Variants in HBS1L observed in about 807,000 individuals in gnomAD.
HBS1L encodes HBS1-like protein.
HBS1L carries 55 observed loss-of-function variants against 88.9 expected under a neutral mutation model. The observed-to-expected ratio is 0.62, with a 90% CI of 0.50 to 0.77. The LOEUF is 0.77. Among genes scored for constraint, HBS1L ranks in the 30% least tolerant of loss-of-function variants. HBS1L has a pLI of 0.00. For synonymous variants in HBS1L, 267 were observed against 288.5 expected (o/e 0.93, Z 0.76); for missense variants, 741 against 829.3 (o/e 0.89, Z 1.31).
intron 4 of HBS1L, among the ~76,000 whole-genome samples, chr6:135,024,840 T>G (rs1255896575): frequency 6.6e-6 from 1 of 152,134 alleles, no homozygotes; most frequent in African/African-American, 2.4e-5. Context: ...GAAGTTCACA[T>G]TCCAAAACTA....
At chr6:134,989,009 T>C (rs541420130) in intron 8 of HBS1L, among the ~76,000 whole-genome samples, 1 of 152,284 alleles carries the variant, frequency 6.6e-6, no homozygotes, top group East Asian at 1.9e-4. Flanking sequence ...TAGAAAGACA[T>C]TCCTTTCAGA....
At chr6:135,038,011 G>A (rs1776613722) in intron 4 of HBS1L, 2 of 1,514,282 alleles carry the variant, frequency 1.3e-6, no homozygotes, top group Non-Finnish European at 1.8e-6. Context: ...AACTTCAGAA[G>A]AAGAAAATAA....
At chr6:135,009,862 C>T (rs1416231146) in intron 4 of HBS1L, among the ~76,000 whole-genome samples, 2 of 151,450 alleles carry the variant, frequency 1.3e-5, no homozygotes. Flanking sequence ...GATCTCCTGA[C>T]CTCGTGATCC....
chr6:134,979,417 C>G (rs547498522), intron 13 of HBS1L, 149 bp from the exon 14 acceptor site: 1 of 614,548 alleles, frequency 1.6e-6, no homozygotes, highest in African/African-American at 1.8e-5. Flanking sequence ...TAACTGTGAG[C>G]GTTGAGGAAA....
chr6:135,008,601 G>C (rs11967110), intron 4 of HBS1L, among the ~76,000 whole-genome samples: 2,107 of 152,296 alleles, frequency 0.014, 67 homozygotes, highest in African/African-American at 0.048. Flanking sequence ...TCTTGAACAT[G>C]AAATGATGTA....
chr6:135,016,884 T>C (rs1299935978), intron 4 of HBS1L, among the ~76,000 whole-genome samples: 1 of 149,326 alleles, frequency 6.7e-6, no homozygotes, highest in Non-Finnish European at 1.5e-5. Flanking sequence ...GAGGAACAGG[T>C]AGATTAAAAT....
intron 13 of HBS1L, among the ~76,000 whole-genome samples, chr6:134,981,118 A>T (rs76344333): frequency 6.6e-6 from 1 of 152,066 alleles, no homozygotes; most frequent in Non-Finnish European, 1.5e-5. Context: ...AGAGGTTACA[A>T]GGGAGCCAAC....
intron 4 of HBS1L, among the ~76,000 whole-genome samples, chr6:135,004,838 A>G (rs1775565667): frequency 6.6e-6 from 1 of 152,238 alleles, no homozygotes; most frequent in African/African-American, 2.4e-5. Context: ...CTGCATCAGC[A>G]CATAATTGGT....
rs1775325905 is a variant in HBS1L, at chr6:134,997,543, G to T, written c.653C>A (p.Pro218Gln). Residue 218 changes from proline to glutamine, a missense_variant, in exon 6 of 18, where the codon CCA (proline) becomes CAA (glutamine). By Grantham distance (76) the Pro-to-Gln change is moderately conservative. Transcript: ENST00000367837. ...TTCTGATGCTTGAATCGTGTGGGGT[G>T]GATTAGCAGATTTAGAAGCAGTCTC... is the stretch of plus-strand genomic sequence containing the variant. Reference protein sequence around the residue: ...VLETASKSANPPHTIQASEEQ... With the variant: ...VLETASKSANQPHTIQASEEQ... 1 of 1,614,048 alleles carries T rather than the reference G, an allele frequency of 6.2e-7. No individual in the cohort carries two copies. The highest frequency in any genetic ancestry group is 8.5e-7 in the Non-Finnish European group (1 of 1,179,984).
intron 4 of HBS1L, chr6:135,037,917 T>C: frequency 6.4e-7 from 1 of 1,551,256 alleles, no homozygotes; most frequent in South Asian, 1.2e-5. Context: ...ATTTTCCTAC[T>C]GAGCTAGCAA....
chr6:134,961,089 GCT>G lies in HBS1L; in HGVS notation c.*4188_*4189del, dbSNP rs1491356890. The G allele has an allele frequency of 2.0e-5, 1 of 50,994 alleles. No homozygotes were observed. The highest frequency in any genetic ancestry group is 7.5e-5 in the African/African-American group (1 of 13,388). The allele number at this position is 50,994 out of a possible 1,614,324, so 3.2% of individuals were successfully genotyped here. On this transcript the variant is annotated 3_prime_UTR_variant, in exon 18 of 18. Transcript: ENST00000367837. ...TTTGCTGTACAGACTTAGTTTCTTT[GCT>G]TTTTTTTTTTTTTTTTTTGCATTGA...
rs58274929 is a variant in HBS1L, at chr6:134,961,090, C to CTTTTTTTTTTTTTTTTTTTTTCTT, written c.*4188_*4189insAAGAAAAAAAAAAAAAAAAAAAAA. 1 of 106,222 alleles carries CTTTTTTTTTTTTTTTTTTTTTCTT rather than the reference C, an allele frequency of 9.4e-6. No individual in the cohort carries two copies. The highest frequency in any genetic ancestry group is 1.8e-5 in the Non-Finnish European group (1 of 54,260). 6.6% of individuals were successfully genotyped at this position (106,222 alleles called of 1,614,324 possible). On this transcript the variant is annotated 3_prime_UTR_variant, in exon 18 of 18. Coordinates refer to ENST00000367837, the MANE Select transcript of HBS1L (RefSeq NM_006620.4). ...TTGCTGTACAGACTTAGTTTCTTTG[C>CTTTTTTTTTTTTTTTTTTTTTCTT]TTTTTTTTTTTTTTTTTTTGCATTG...
chr6:134,996,155 G>A lies in HBS1L; in HGVS notation c.965+622C>T, dbSNP rs368399433. Among the ~76,000 whole-genome samples the A allele has an allele frequency of 3.9e-5, 6 of 152,154 alleles. No individual in the cohort carries two copies. In the East Asian group the frequency reaches 1.2e-3, roughly 29 times the overall value. ...GGTGTCCTTTGGCTCTCCTACCCTA[G>A]CTACCCTAACATGATCTATACTGAC... On this transcript the variant is annotated intron_variant, in intron 7 of 17. Coordinates refer to ENST00000367837, the MANE Select transcript of HBS1L (RefSeq NM_006620.4).
chr6:135,012,739 T>C (rs973114359), intron 4 of HBS1L, among the ~76,000 whole-genome samples: 10 of 152,204 alleles, frequency 6.6e-5, no homozygotes, highest in African/African-American at 2.2e-4. Context: ...CCATGGCTCA[T>C]CTATTTCCAT....
chr6:135,022,961 C>T (rs1265469507), intron 4 of HBS1L, among the ~76,000 whole-genome samples: 1 of 148,804 alleles, frequency 6.7e-6, no homozygotes, highest in Non-Finnish European at 1.5e-5. Flanking sequence ...TCATAAAAAT[C>T]AAATGTTACT....
chr6:135,039,545 A>C, intron 4 of HBS1L, 28 bp downstream of exon 4: 1 of 1,580,636 alleles, frequency 6.3e-7, no homozygotes, highest in Non-Finnish European at 8.7e-7. Context: ...TATGTAAAAC[A>C]AGTGAAAAAG....
chr6:135,042,823 AAACAAAAAAAAAAAAC>A (rs1405632618), intron 2 of HBS1L, among the ~76,000 whole-genome samples: 32 of 96,538 alleles, frequency 3.3e-4, no homozygotes, highest in East Asian at 6.4e-4. Flanking sequence ...CAAAAAAAAA[AAACAAAAAAAAAAAAC>A]AGAAAAGAAA....
chr6:134,971,941 C>T lies in HBS1L; in HGVS notation c.1798-2603G>A, dbSNP rs562848078. On this transcript the variant is annotated intron_variant, in intron 15 of 17. Coordinates refer to ENST00000367837, the MANE Select transcript of HBS1L (RefSeq NM_006620.4). ...AGTTTTTTCTTAAGTCTGTAACAAGCCCATTTAAATGCAAAACCAGACTTG... is the reference window on the plus strand; with the variant it reads ...AGTTTTTTCTTAAGTCTGTAACAAGTCCATTTAAATGCAAAACCAGACTTG... 3.8e-3 allele frequency among the ~76,000 whole-genome samples: 577 copies of T among 152,136 alleles called. 3 individuals carry two copies. Among genetic ancestry groups the T allele is most frequent in the African/African-American group, 0.012 (516 of 41,500 alleles).
At chr6:134,967,963 T>C (rs1451582905) in intron 16 of HBS1L, among the ~76,000 whole-genome samples, 5 of 152,150 alleles carry the variant, frequency 3.3e-5, no homozygotes, top group African/African-American at 9.7e-5. Context: ...AGGTTAAATA[T>C]AAAGATCTAC....
Sources: gnomAD v4.1 joint callset for allele counts (sites outside exome capture counted in the v4.1 genomes callset) on GRCh38, gnomAD v4.1.1 for gene constraint, MANE v1.5 for transcripts, NCBI Gene and HGNC (gene_info 2026-07-23, HGNC 2026-07-21) for gene names.